NRG1: variants seen among roughly 807,000 people sequenced by gnomAD.
NRG1 encodes pro-neuregulin-1, membrane-bound isoform.
NRG1 carries 18 observed loss-of-function variants against 63.8 expected under a neutral mutation model. That is an observed-to-expected ratio of 0.28 (90% confidence interval 0.19 to 0.42). The LOEUF (loss-of-function observed/expected upper bound fraction) is 0.42, where lower values mean the gene tolerates loss of function less well. NRG1 is among the 10% of genes least tolerant of loss of function. The probability of loss-of-function intolerance (pLI) is 1.00; values close to 1 mark genes in which losing one functional copy is unlikely to be tolerated. For synonymous variants in NRG1, 302 were observed against 301.3 expected (o/e 1.00, Z -0.02); for missense variants, 762 against 814.7 (o/e 0.94, Z 0.79).
chr8:31,664,609 A>T lies in NRG1; in HGVS notation c.37+25178A>T, dbSNP rs1445120599. Among the ~76,000 whole-genome samples the T allele has an allele frequency of 2.0e-5, 3 of 152,332 alleles. No individual in the cohort carries two copies. In the East Asian group the frequency reaches 5.8e-4, roughly 29 times the overall value. ...TCAGTATACCTGAAACTTTAATTCC[A>T]CTTACCATTATAATGAGAAAATAAA... On this transcript the variant is annotated intron_variant, in intron 1 of 10. Coordinates refer to the NRG1 transcript ENST00000519301.
Position 31,983,096 on chromosome 8 carries a change from G to A in NRG1, c.37+343665G>A, listed in dbSNP as rs961703071. Among the ~76,000 whole-genome samples, 4 of 152,120 alleles carry A rather than the reference G, an allele frequency of 2.6e-5. No homozygotes were observed. The South Asian group carries it at 8.3e-4, about 32-fold the overall frequency. ...TTTAAGCCTAAAATGGATATTAGAGGCTATCAGCCCCCTGGAAAAAAGTCT... is the reference window on the plus strand; with the variant it reads ...TTTAAGCCTAAAATGGATATTAGAGACTATCAGCCCCCTGGAAAAAAGTCT... On this transcript the variant is annotated intron_variant, in intron 1 of 10. Coordinates refer to the NRG1 transcript ENST00000519301.
chr8:32,638,994 C>A (rs1392183098), intron 5 of NRG1, among the ~76,000 whole-genome samples: 1 of 151,524 alleles, frequency 6.6e-6, no homozygotes, highest in African/African-American at 2.4e-5. Context: ...TTTTTGTTCC[C>A]TTTGGTGCAA....
chr8:32,621,556 A>G (rs922253080), intron 5 of NRG1, among the ~76,000 whole-genome samples: 5 of 152,364 alleles, frequency 3.3e-5, no homozygotes, highest in South Asian at 4.1e-4. Context: ...TGCTGAATTA[A>G]GCACCATCCA....
At chr8:32,647,264 G>A (rs1424137954) in intron 5 of NRG1, 21 of 985,198 alleles carry the variant, frequency 2.1e-5, no homozygotes, top group Non-Finnish European at 2.4e-5. Flanking sequence ...CGCCGCCACC[G>A]CCGCTGGTCC....
chr8:31,837,364 ATTAAT>A (rs760996478), intron 1 of NRG1, among the ~76,000 whole-genome samples: 2 of 151,916 alleles, frequency 1.3e-5, no homozygotes, highest in Non-Finnish European at 2.9e-5. Context: ...TTTAATTTTA[ATTAAT>A]TTATTTTTAT....
At chr8:32,159,327 G>A (rs990237910) in intron 1 of NRG1, among the ~76,000 whole-genome samples, 1 of 151,884 alleles carries the variant, frequency 6.6e-6, no homozygotes, top group Non-Finnish European at 1.5e-5. Context: ...GAGGTCAGGA[G>A]ATCGAGACCA....
intron 1 of NRG1, among the ~76,000 whole-genome samples, chr8:32,461,725 A>G (rs910212683): frequency 3.9e-5 from 6 of 152,142 alleles, no homozygotes; most frequent in Admixed American, 2.0e-4. Flanking sequence ...CAGAGAAGAT[A>G]TCCTAGAACT....
At chr8:32,389,702 C>G (rs911704753) in intron 1 of NRG1, among the ~76,000 whole-genome samples, 1 of 151,978 alleles carries the variant, frequency 6.6e-6, no homozygotes, top group African/African-American at 2.4e-5. Flanking sequence ...ATATTGCTTC[C>G]AATGTTGTAC....
At chr8:32,183,349 C>T (rs191416306) in intron 1 of NRG1, among the ~76,000 whole-genome samples, 1 of 152,288 alleles carries the variant, frequency 6.6e-6, no homozygotes, top group African/African-American at 2.4e-5. Context: ...CTTCCTGTTC[C>T]CGTCTCCTTC....
At chr8:31,927,281 T>C (rs1834435002) in intron 1 of NRG1, among the ~76,000 whole-genome samples, 1 of 152,092 alleles carries the variant, frequency 6.6e-6, no homozygotes, top group Non-Finnish European at 1.5e-5. Flanking sequence ...CAGACTGTCT[T>C]GTTCTCTAAT....
At chr8:32,166,432 T>C (rs1839410836) in intron 1 of NRG1, among the ~76,000 whole-genome samples, 1 of 152,166 alleles carries the variant, frequency 6.6e-6, no homozygotes, top group African/African-American at 2.4e-5. Context: ...TGTAATATTA[T>C]CCTTGGCTCT....
intron 1 of NRG1, among the ~76,000 whole-genome samples, chr8:32,200,770 C>T (rs1356708608): frequency 1.3e-5 from 2 of 152,180 alleles, no homozygotes; most frequent in African/African-American, 2.4e-5. Context: ...CACTCATTCC[C>T]GTTTGCATTC....
At chr8:31,655,715 T>C (rs1367480352) in intron 1 of NRG1, among the ~76,000 whole-genome samples, 6 of 152,138 alleles carry the variant, frequency 3.9e-5, no homozygotes, top group Non-Finnish European at 7.4e-5. Flanking sequence ...TAAAAGGGAA[T>C]AAGAGTGCAT....
chr8:31,664,806 G>A (rs1295435869), intron 1 of NRG1, among the ~76,000 whole-genome samples: 1 of 152,136 alleles, frequency 6.6e-6, no homozygotes, highest in Admixed American at 6.5e-5. Context: ...CATATTATAG[G>A]TTAATCAAGG....
chr8:32,124,380 C>G (rs1380983413), intron 1 of NRG1, among the ~76,000 whole-genome samples: 1 of 151,746 alleles, frequency 6.6e-6, no homozygotes, highest in Non-Finnish European at 1.5e-5. Flanking sequence ...CGGTTGAAGT[C>G]TGAGGACTTC....
chr8:31,920,731 C>T (rs898130878), intron 1 of NRG1, among the ~76,000 whole-genome samples: 8 of 152,048 alleles, frequency 5.3e-5, no homozygotes, highest in Admixed American at 6.6e-5. Context: ...ATTATATTCC[C>T]TATCTCAAAG....
At position 32,089,910 on chromosome 8, in the gene NRG1, A is replaced by G. The variant is rs80032448; in HGVS notation, c.37+450479A>G. On this transcript the variant is annotated intron_variant, in intron 1 of 10. Coordinates refer to the NRG1 transcript ENST00000519301. ...AACATTTTCTGTCATATGTGTTCCA[A>G]GTAATGTCATTCTGTTTCTCATTTG... Among the ~76,000 whole-genome samples, 314 of 152,352 alleles carry G rather than the reference A, an allele frequency of 2.1e-3. 1 individual carries two copies. The highest frequency in any genetic ancestry group is 7.2e-3 in the African/African-American group (301 of 41,596).
intron 11 of NRG1, chr8:32,763,208 T>C: frequency 6.2e-7 from 1 of 1,612,970 alleles, no homozygotes; most frequent in Non-Finnish European, 8.5e-7. Context: ...TGCTCTTTTT[T>C]TTTCATAAGA....
At chr8:31,702,136 A>C (rs1810689249) in intron 1 of NRG1, among the ~76,000 whole-genome samples, 1 of 152,214 alleles carries the variant, frequency 6.6e-6, no homozygotes, top group Non-Finnish European at 1.5e-5. Context: ...CTGGGCTTAC[A>C]GTATACAGTT....
Sources: allele counts gnomAD v4.1 joint callset (sites outside exome capture counted in the v4.1 genomes callset), GRCh38; gene constraint gnomAD v4.1.1; transcripts MANE v1.5; gene names NCBI Gene and HGNC (gene_info 2026-07-23, HGNC 2026-07-21).